C1QTNF5: variants seen among roughly 807,000 people sequenced by gnomAD.
C1QTNF5 encodes complement C1q tumor necrosis factor-related protein 5.
In C1QTNF5, 5 loss-of-function variants were observed where a neutral mutation model predicts 10.9. The observed-to-expected ratio is 0.46, with a 90% CI of 0.24 to 0.97. The LOEUF (loss-of-function observed/expected upper bound fraction) is 0.97. C1QTNF5 is among the 50% of genes least tolerant of loss of function. C1QTNF5 has a pLI of 0.19. For missense variants in C1QTNF5, 281 were observed against 339.4 expected, an observed-to-expected ratio of 0.83 and a Z score of 1.35; for synonymous variants, 161 against 156.5, an observed-to-expected ratio of 1.03 and a Z score of -0.22.
upstream of C1QTNF5, chr11:119,344,999 C>T (rs778538964): frequency 6.2e-7 from 1 of 1,604,328 alleles, no homozygotes; most frequent in Non-Finnish European, 8.5e-7. Context: ...CACCCTTCCA[C>T]AAACCCTGCA....
Position 119,340,729 on chromosome 11 carries a change from G to T in C1QTNF5, c.-78C>A, listed in dbSNP as rs1253709315. 2.6e-6 allele frequency: 1 copy of T among 377,974 alleles called. No individual in the cohort carries two copies. Among genetic ancestry groups the T allele is most frequent in the Non-Finnish European group, 4.8e-6 (1 of 206,378 alleles). 23.4% of individuals were successfully genotyped at this position (377,974 alleles called of 1,614,324 possible). A position where few individuals can be genotyped will look rare whatever the true frequency, so the allele number is the denominator to read the frequency against. On this transcript the variant is annotated 5_prime_UTR_variant, in exon 1 of 3. Transcript: ENST00000528368. ...CGGCTCCCCGATGGCCTCCTTCGGG[G>T]CGCTCGCTACTCCGGACCCTCCAGT... is the stretch of plus-strand genomic sequence containing the variant.
the C1QTNF5 span, chr11:119,346,179 G>C: frequency 3.7e-5 from 59 of 1,574,812 alleles, no homozygotes; most frequent in African/African-American, 6.3e-4. Context: ...GGCAGGTGGG[G>C]TTTTGAAAGC....
upstream of C1QTNF5, chr11:119,345,745 T>A (rs751810004): frequency 1.9e-6 from 3 of 1,613,252 alleles, no homozygotes; most frequent in Non-Finnish European, 1.7e-6. Flanking sequence ...TGGGCCCTTC[T>A]CCCGGAAGAT....
chr11:119,345,027 T>C (rs1325700222), upstream of C1QTNF5: 44 of 1,594,500 alleles, frequency 2.8e-5, no homozygotes, highest in Non-Finnish European at 3.7e-5. Context: ...AGGTTGGGGG[T>C]GAGGGAGGCT....
upstream of C1QTNF5, chr11:119,345,387 A>C: frequency 6.2e-7 from 1 of 1,602,880 alleles, no homozygotes; most frequent in Non-Finnish European, 8.5e-7. Flanking sequence ...GGTTCAGGAC[A>C]CGGTGGGATG....
chr11:119,344,972 T>C (rs1305124382), upstream of C1QTNF5: 1 of 1,608,298 alleles, frequency 6.2e-7, no homozygotes, highest in Non-Finnish European at 8.5e-7. Flanking sequence ...GGCATTGGTG[T>C]TGAGCGTGGG....
chr11:119,346,655 G>A, the C1QTNF5 span: 2 of 823,020 alleles, frequency 2.4e-6, no homozygotes, highest in African/African-American at 1.7e-5. Context: ...ACCAGTTCTT[G>A]GGCTGTCCTT....
At chr11:119,345,156 C>G, upstream of C1QTNF5, 1 of 1,021,590 alleles carries the variant, frequency 9.8e-7, no homozygotes, top group Non-Finnish European at 1.4e-6. Flanking sequence ...GGAGCTCTGA[C>G]CTTCCTAGCA....
rs931084902 is a variant in C1QTNF5 at position 119,339,975 on chromosome 11, G to A, written c.215-127C>T. On this transcript the variant is annotated intron_variant, in intron 2 of 2. Transcript: ENST00000528368. The surrounding 1 kb of genome is among the most constrained non-coding windows in gnomAD (Gnocchi z 5.4). ...CTTCGGCCAGCGCCTCCTCCCGCAC[G>A]GGTACCTCCTCCACCCCTTCCCGCA... 16 of 1,328,048 alleles carry A rather than the reference G, an allele frequency of 1.2e-5. No homozygotes were observed. Among genetic ancestry groups the A allele is most frequent in the Admixed American group, 3.2e-5 (1 of 31,564 alleles). 82.3% of individuals were successfully genotyped at this position (1,328,048 alleles called of 1,614,324 possible).
upstream of C1QTNF5, chr11:119,345,345 C>T (rs1027126607): frequency 3.4e-6 from 5 of 1,475,816 alleles, no homozygotes; most frequent in Admixed American, 5.1e-5. Context: ...GCCCTTCTCC[C>T]TGCCACTCCC....
the C1QTNF5 span, chr11:119,346,128 G>A: frequency 3.1e-6 from 5 of 1,603,146 alleles, no homozygotes; most frequent in Admixed American, 6.9e-5. Context: ...AGGAGAAGCG[G>A]CAGTCTGGCC....
upstream of C1QTNF5, chr11:119,342,943 C>T (rs562312824): frequency 1.9e-6 from 3 of 1,612,306 alleles, no homozygotes; most frequent in African/African-American, 2.7e-5. Context: ...CTGTCCTAAA[C>T]AGCACAGCCA....
upstream of C1QTNF5, chr11:119,344,394 G>A: frequency 6.2e-7 from 1 of 1,613,218 alleles, no homozygotes; most frequent in Non-Finnish European, 8.5e-7. Flanking sequence ...CCCACACCCT[G>A]TAGAGAGGTG....
chr11:119,344,030 G>T, upstream of C1QTNF5: 1 of 1,600,462 alleles, frequency 6.2e-7, no homozygotes, highest in Non-Finnish European at 8.5e-7. Flanking sequence ...GCACCCAGAA[G>T]GGTCTTCTTC....
At chr11:119,342,886 G>A (rs1313013945), upstream of C1QTNF5, 19 of 1,613,064 alleles carry the variant, frequency 1.2e-5, no homozygotes, top group South Asian at 1.5e-4. Flanking sequence ...CCGTGGCATT[G>A]AAGGCCAGGT....
At chr11:119,344,866 A>G, upstream of C1QTNF5, 1 of 1,613,306 alleles carries the variant, frequency 6.2e-7, no homozygotes, top group Non-Finnish European at 8.5e-7. Context: ...AGGTGGGAAC[A>G]CACTCACCGC....
chr11:119,342,039 T>C, upstream of C1QTNF5: 2 of 1,608,534 alleles, frequency 1.2e-6, no homozygotes, highest in Non-Finnish European at 1.7e-6. Flanking sequence ...CTCTGTGGCC[T>C]GTGGCAAGTC....
At chr11:119,345,024 G>A (rs570176649), upstream of C1QTNF5, 6 of 1,596,152 alleles carry the variant, frequency 3.8e-6, no homozygotes, top group Admixed American at 3.6e-5. Flanking sequence ...GCCAGGTTGG[G>A]GGTGAGGGAG....
At chr11:119,343,781 T>C, upstream of C1QTNF5, 1 of 1,613,302 alleles carries the variant, frequency 6.2e-7, no homozygotes, top group Non-Finnish European at 8.5e-7. Context: ...ACAGTGAGGA[T>C]GGAGTTATCC....
Sources: gnomAD v4.1 joint callset for allele counts on GRCh38, gnomAD v4.1.1 for gene constraint, Gnocchi (gnomAD v3.1) non-coding constraint, MANE v1.5 for transcripts, NCBI Gene and HGNC (gene_info 2026-07-23, HGNC 2026-07-21) for gene names.